The following NME8 variants were observed in gnomAD, a reference collection of about 807,000 sequenced individuals.
The protein encoded by NME8 is NME/NM23 family member 8.
A neutral mutation model predicts 82.3 loss-of-function variants in NME8; 72 were observed. That is an observed-to-expected ratio of 0.87 (90% CI 0.72 to 1.06). The LOEUF is 1.06. Ranked by LOEUF, NME8 falls within the 50% of genes least tolerant of loss-of-function variation. The pLI, the probability that NME8 is intolerant of heterozygous loss-of-function variation, is 0.00. For missense variants in NME8, 712 were observed against 685.4 expected (o/e 1.04, Z -0.43); for synonymous variants, 267 against 228.5 (o/e 1.17, Z -1.52).
chr7:37,873,034 G>C (rs971462979), intron 11 of NME8, among the ~76,000 whole-genome samples: 3 of 152,176 alleles, frequency 2.0e-5, no homozygotes, highest in African/African-American at 7.2e-5. Context: ...TTATTTTTAA[G>C]TACTAGTTAC....
At chr7:37,898,588 A>C (rs1347091051) in intron 17 of NME8, among the ~76,000 whole-genome samples, 1 of 152,214 alleles carries the variant, frequency 6.6e-6, no homozygotes, top group Non-Finnish European at 1.5e-5. Flanking sequence ...AATCTCAAAA[A>C]AATTTTGCTA....
chr7:37,887,601 A>T (rs921320763), intron 14 of NME8, among the ~76,000 whole-genome samples: 1 of 152,190 alleles, frequency 6.6e-6, no homozygotes, highest in African/African-American at 2.4e-5. Flanking sequence ...GCTAGCAAGT[A>T]GTGCAACAAG....
Position 37,852,825 on chromosome 7 carries a change from TAC to T in NME8, c.198+2093_198+2094del, listed in dbSNP as rs1249576843. The stretch of plus-strand genomic sequence containing the variant: ...TGCTTAGGTTTTTGTATGAACATAC[TAC>T]ACTTTCAACTCATTTGGGTAAATAC... On this transcript the variant is annotated intron_variant, in intron 5 of 17. Coordinates refer to ENST00000199447, the MANE Select transcript of NME8 (RefSeq NM_016616.5). Among the ~76,000 whole-genome samples, 7 of 152,314 alleles carry T rather than the reference TAC, an allele frequency of 4.6e-5. No individual in the cohort carries two copies. The South Asian group carries it at 1.4e-3, about 32-fold the overall frequency.
At chr7:37,862,194 T>A (rs1305662262) in intron 7 of NME8, 50 bp downstream of exon 7, 1 of 1,277,622 alleles carries the variant, frequency 7.8e-7, no homozygotes, top group Non-Finnish European at 1.1e-6. Context: ...TCATTTAGAG[T>A]GAAATAGAAC....
chr7:37,884,584 T>C, intron 13 of NME8, 137 bp downstream of exon 13: 2 of 707,314 alleles, frequency 2.8e-6, no homozygotes, highest in Non-Finnish European at 4.9e-6. Context: ...CTACCAGTCC[T>C]GCTCCCATCC....
chr7:37,856,798 T>C (rs1056749329), intron 5 of NME8, among the ~76,000 whole-genome samples: 2 of 152,102 alleles, frequency 1.3e-5, no homozygotes, highest in Admixed American at 1.3e-4. Context: ...CAAACGTGGA[T>C]AGGAAACATA....
intron 15 of NME8, 119 bp downstream of exon 15, chr7:37,888,547 C>T (rs748186988): frequency 2.3e-5 from 19 of 835,544 alleles, no homozygotes; most frequent in Middle Eastern, 3.1e-4. Flanking sequence ...AGAAAAGTTG[C>T]GATGAGTACT....
intron 2 of NME8, 44 bp from the exon 3 acceptor site, chr7:37,850,205 AAAATGTTATTT>A: frequency 7.0e-7 from 1 of 1,423,450 alleles, no homozygotes; most frequent in Non-Finnish European, 9.9e-7. Flanking sequence ...ATGCATAAAG[AAAATGTTATTT>A]AAATTTCCTA....
At chr7:37,898,199 A>G (rs1196505591) in intron 17 of NME8, among the ~76,000 whole-genome samples, 2 of 152,318 alleles carry the variant, frequency 1.3e-5, no homozygotes, top group Middle Eastern at 6.8e-3. Context: ...TGAATGGCCA[A>G]AGTTTCAGTG....
intron 17 of NME8, among the ~76,000 whole-genome samples, chr7:37,897,971 G>A (rs1785256123): frequency 6.6e-6 from 1 of 152,184 alleles, no homozygotes; most frequent in South Asian, 2.1e-4. Context: ...ATGTGTGCAT[G>A]TGTCTTTATA....
intron 11 of NME8, among the ~76,000 whole-genome samples, chr7:37,868,619 T>G (rs1385582746): frequency 6.6e-6 from 1 of 152,090 alleles, no homozygotes; most frequent in Non-Finnish European, 1.5e-5. Context: ...GCCTTTTCCC[T>G]GTTTGTCTTC....
At chr7:37,888,211 A>G in intron 14 of NME8, 66 bp from the exon 15 acceptor site, 2 of 1,496,620 alleles carry the variant, frequency 1.3e-6, no homozygotes, top group Non-Finnish European at 9.3e-7. Context: ...TGAACAACTT[A>G]TAGAAATTGT....
intron 5 of NME8, among the ~76,000 whole-genome samples, chr7:37,854,640 A>G (rs1380319162): frequency 6.6e-6 from 1 of 152,124 alleles, no homozygotes; most frequent in Non-Finnish European, 1.5e-5. Flanking sequence ...CAGATGTTCT[A>G]ATGTCAGTTT....
rs147357706 is a variant in NME8, at chr7:37,860,742, T to A, written c.271-1286T>A. On this transcript the variant is annotated intron_variant, in intron 6 of 17. Transcript: ENST00000199447. ...AGCATTTCCAGTTGGGGTCTAGGCA[T>A]CTCCTATTGGCTTTCTCAAAATGCA... 3.0e-4 allele frequency among the ~76,000 whole-genome samples: 46 copies of A among 152,296 alleles called. No homozygotes were observed. The East Asian group carries it at 3.5e-3, about 12-fold the overall frequency.
chr7:37,870,129 A>G (rs1008859051), intron 11 of NME8, among the ~76,000 whole-genome samples: 1 of 152,048 alleles, frequency 6.6e-6, no homozygotes, highest in Non-Finnish European at 1.5e-5. Context: ...CTGTTTTGCC[A>G]GATGGTCTAT....
intron 11 of NME8, among the ~76,000 whole-genome samples, chr7:37,876,124 C>T (rs569429646): frequency 2.7e-4 from 41 of 151,824 alleles, no homozygotes; most frequent in Non-Finnish European, 4.0e-4. Context: ...AGGGGAATAG[C>T]TTGAACTTGG....
At chr7:37,898,437 A>G (rs1785263329) in intron 17 of NME8, among the ~76,000 whole-genome samples, 2 of 152,218 alleles carry the variant, frequency 1.3e-5, no homozygotes, top group South Asian at 4.1e-4. Context: ...TTATAGAAAA[A>G]TGATTCACAA....
At chr7:37,872,888 A>C (rs1784789983) in intron 11 of NME8, among the ~76,000 whole-genome samples, 1 of 152,148 alleles carries the variant, frequency 6.6e-6, no homozygotes, top group South Asian at 2.1e-4. Flanking sequence ...CCCCCACCCC[A>C]CACACAAATA....
rs377760153 is a variant in NME8 at position 37,877,025 on chromosome 7, A to G, written c.994+18A>G. 3.8e-5 allele frequency: 60 copies of G among 1,598,452 alleles called. 1 individual carries two copies. Among genetic ancestry groups the G allele is most frequent in the Non-Finnish European group, 2.9e-5 (34 of 1,166,728 alleles). On this transcript the variant is annotated intron_variant, in intron 12 of 17. Transcript: ENST00000199447. Reference sequence around the variant, plus strand: ...AAGGAAAGGTAGGGAATCAAGCATAAATTGTTTAAGTATTTTATATAGATG... The same window carrying G: ...AAGGAAAGGTAGGGAATCAAGCATAGATTGTTTAAGTATTTTATATAGATG...
Sources: allele counts gnomAD v4.1 joint callset (sites outside exome capture counted in the v4.1 genomes callset), GRCh38; gene constraint gnomAD v4.1.1; transcripts MANE v1.5; gene names NCBI Gene and HGNC (gene_info 2026-07-23, HGNC 2026-07-21).